Variants in RNF144A observed in about 807,000 individuals in gnomAD.
The protein encoded by RNF144A is E3 ubiquitin-protein ligase RNF144A.
In RNF144A, 11 loss-of-function variants were observed where a neutral mutation model predicts 38.7. That is an observed-to-expected ratio of 0.28 (90% confidence interval 0.18 to 0.47). RNF144A has a LOEUF of 0.47. Among genes scored for constraint, RNF144A ranks in the 20% least tolerant of loss-of-function variants. RNF144A has a pLI of 0.99. For synonymous variants in RNF144A, 149 were observed against 143.9 expected, an observed-to-expected ratio of 1.04 and a Z score of -0.25; for missense variants, 316 against 377.2, an observed-to-expected ratio of 0.84 and a Z score of 1.34.
intron 2 of RNF144A, among the ~76,000 whole-genome samples, chr2:6,989,556 G>C (rs757643907): frequency 4.6e-5 from 7 of 152,088 alleles, no homozygotes; most frequent in Non-Finnish European, 1.0e-4. Flanking sequence ...CTTTGTTACA[G>C]TCTGCATTCC....
At chr2:6,976,018 C>T (rs1558398564) in intron 2 of RNF144A, among the ~76,000 whole-genome samples, 1 of 152,158 alleles carries the variant, frequency 6.6e-6, no homozygotes, top group South Asian at 2.1e-4. Context: ...ATTGTGCAGA[C>T]CTTCCATGGT....
intron 5 of RNF144A, among the ~76,000 whole-genome samples, chr2:7,018,988 AG>A (rs1019236355): frequency 6.6e-6 from 1 of 152,098 alleles, no homozygotes; most frequent in African/African-American, 2.4e-5. Context: ...GCTGCTGTCA[AG>A]TTTTGCTAGA....
At chr2:6,967,063 T>A (rs1183874254) in intron 2 of RNF144A, among the ~76,000 whole-genome samples, 7 of 152,110 alleles carry the variant, frequency 4.6e-5, no homozygotes, top group Non-Finnish European at 1.0e-4. Flanking sequence ...CTTTGTCTCC[T>A]CCCCACATAC....
rs1279902941 is a variant in RNF144A at position 7,017,532 on chromosome 2, C to CATGTACTT, written c.301+2761_301+2768dup. On this transcript the variant is annotated intron_variant, in intron 5 of 8. Transcript: ENST00000320892. ...GGATGCTGGGTGCATCGTTCTCTGT[C>CATGTACTT]ATGTACTTCTGAAAGGAAACTGTTT... Among the ~76,000 whole-genome samples the CATGTACTT allele has an allele frequency of 5.3e-5, 8 of 152,256 alleles. 1 individual carries two copies. In the East Asian group the frequency reaches 1.5e-3, roughly 29 times the overall value.
Position 6,941,781 on chromosome 2 carries a change from T to TA in RNF144A, c.-12+635dup. On this transcript the variant is annotated intron_variant, in intron 2 of 8. Transcript: ENST00000320892. The surrounding 1 kb of genome is among the most constrained non-coding windows in gnomAD (Gnocchi z 6.5). ...ATGCACTTTAAGGAGGCGCAGTAAC[T>TA]AGCCACTTAGCATCTGGGCAAGAGC... Among the ~76,000 whole-genome samples the TA allele has an allele frequency of 6.6e-6, 1 of 152,262 alleles. No homozygotes were observed. Among genetic ancestry groups the TA allele is most frequent in the Non-Finnish European group, 1.5e-5 (1 of 68,038 alleles).
chr2:6,984,581 C>T (rs1342706571), intron 2 of RNF144A, among the ~76,000 whole-genome samples: 8 of 152,214 alleles, frequency 5.3e-5, no homozygotes, highest in South Asian at 4.1e-4. Context: ...GAATTACAGG[C>T]GTGAGCCACC....
At chr2:7,071,949 G>C (rs1168176229), downstream of RNF144A, among the ~76,000 whole-genome samples, 1 of 152,206 alleles carries the variant, frequency 6.6e-6, no homozygotes, top group Non-Finnish European at 1.5e-5. Context: ...TCCAGTGTCT[G>C]CTCCTACTCG....
At chr2:6,934,800 C>T (rs1294134492) in intron 1 of RNF144A, among the ~76,000 whole-genome samples, 1 of 152,226 alleles carries the variant, frequency 6.6e-6, no homozygotes, top group East Asian at 1.9e-4. Flanking sequence ...AGCTCTGCAG[C>T]TGGACATGGG....
intron 3 of RNF144A, among the ~76,000 whole-genome samples, chr2:7,010,885 G>A (rs1670753861): frequency 6.6e-6 from 1 of 151,920 alleles, no homozygotes; most frequent in Non-Finnish European, 1.5e-5. Flanking sequence ...GGAGCACAGT[G>A]CATTGTGATG....
At chr2:7,053,290 C>T (rs1673599372) in intron 6 of RNF144A, among the ~76,000 whole-genome samples, 1 of 152,180 alleles carries the variant, frequency 6.6e-6, no homozygotes. Flanking sequence ...AGAAGATCCC[C>T]AGGTGACCAG....
intron 2 of RNF144A, among the ~76,000 whole-genome samples, chr2:6,979,384 G>A (rs529972308): frequency 1.3e-5 from 2 of 152,188 alleles, no homozygotes; most frequent in Non-Finnish European, 2.9e-5. Flanking sequence ...TATGATTGGG[G>A]AAGTTGAGCA....
intron 1 of RNF144A, among the ~76,000 whole-genome samples, chr2:6,919,367 C>T (rs1664383586): frequency 6.6e-6 from 1 of 152,186 alleles, no homozygotes; most frequent in Admixed American, 6.5e-5. Context: ...ATTAGGGAAC[C>T]TTGTTTTTTG....
chr2:7,041,116 A>G lies in RNF144A; in HGVS notation c.*1356A>G, dbSNP rs1214638078. ...AACTGCATTGAATTTAAAACTTCTAAAAATAACAGGCAAATATTGTAGCTA... is the reference window on the plus strand; with the variant it reads ...AACTGCATTGAATTTAAAACTTCTAGAAATAACAGGCAAATATTGTAGCTA... On this transcript the variant is annotated 3_prime_UTR_variant, in exon 9 of 9. Coordinates refer to ENST00000320892, the MANE Select transcript of RNF144A (RefSeq NM_014746.6). The G allele has an allele frequency of 1.0e-6, 1 of 982,242 alleles. No individual in the cohort carries two copies. Among genetic ancestry groups the G allele is most frequent in the African/African-American group, 1.7e-5 (1 of 57,166 alleles). The allele number at this position is 982,242 out of a possible 1,614,324, so 60.8% of individuals were successfully genotyped here. A position where few individuals can be genotyped will look rare whatever the true frequency, so the allele number is the denominator to read the frequency against.
At chr2:6,964,738 C>T (rs1667546608) in intron 2 of RNF144A, among the ~76,000 whole-genome samples, 1 of 151,248 alleles carries the variant, frequency 6.6e-6, no homozygotes, top group Admixed American at 6.6e-5. Context: ...CCAAACACCA[C>T]ATATTCTCAC....
Position 6,918,876 on chromosome 2 carries a change from C to A in RNF144A, c.-212+1254C>A, listed in dbSNP as rs1664348461. Among the ~76,000 whole-genome samples the A allele has an allele frequency of 2.0e-5, 3 of 151,940 alleles. No homozygotes were observed. The South Asian group carries it at 6.2e-4, about 32-fold the overall frequency. On this transcript the variant is annotated intron_variant, in intron 1 of 8. Transcript: ENST00000320892. ...TGAGGTAAGGCCCCAGGGAACTATC[C>A]CCAGTGGATCCCTGCTGCCCTGCGG... is the stretch of plus-strand genomic sequence containing the variant.
intron 1 of RNF144A, among the ~76,000 whole-genome samples, chr2:6,933,387 C>T (rs1401096371): frequency 6.6e-6 from 1 of 152,120 alleles, no homozygotes; most frequent in Non-Finnish European, 1.5e-5. Context: ...AGAGCAGAGC[C>T]TACTCTAAGG....
intron 1 of RNF144A, among the ~76,000 whole-genome samples, chr2:6,938,623 A>G (rs1375051062): frequency 6.6e-6 from 1 of 152,180 alleles, no homozygotes; most frequent in African/African-American, 2.4e-5. Context: ...AAAGTACACC[A>G]TTCTGTGGTT....
At chr2:6,965,878 C>T (rs183863582) in intron 2 of RNF144A, among the ~76,000 whole-genome samples, 7 of 151,752 alleles carry the variant, frequency 4.6e-5, no homozygotes, top group Non-Finnish European at 8.8e-5. Flanking sequence ...AGTTTTTAAA[C>T]AGGATGTGCA....
chr2:7,016,847 T>C (rs1351504215), intron 5 of RNF144A, among the ~76,000 whole-genome samples: 1 of 152,192 alleles, frequency 6.6e-6, no homozygotes, highest in Non-Finnish European at 1.5e-5. Flanking sequence ...AACATTGAGT[T>C]ACCAGAAAGT....
Sources: gnomAD v4.1 joint callset for allele counts (sites outside exome capture counted in the v4.1 genomes callset) on GRCh38, gnomAD v4.1.1 for gene constraint, Gnocchi (gnomAD v3.1) non-coding constraint, MANE v1.5 for transcripts, NCBI Gene and HGNC (gene_info 2026-07-23, HGNC 2026-07-21) for gene names.